Variants in NCAPH observed in about 807,000 individuals in gnomAD.
NCAPH encodes the protein non-SMC condensin I complex subunit H.
A neutral mutation model predicts 85.5 loss-of-function variants in NCAPH; 38 were observed. The observed-to-expected ratio is 0.44, with a 90% confidence interval of 0.34 to 0.58. The LOEUF (loss-of-function observed/expected upper bound fraction) is 0.58. Ranked by LOEUF, NCAPH falls within the 20% of genes least tolerant of loss-of-function variation. The probability of loss-of-function intolerance (pLI) is 0.01; values close to 1 mark genes in which losing one functional copy is unlikely to be tolerated. For synonymous variants in NCAPH, 301 were observed against 335.1 expected (o/e 0.90, Z 1.11); for missense variants, 789 against 916.6 (o/e 0.86, Z 1.80).
rs2064832181 is a variant in NCAPH, at chr2:96,376,407, T to C, written c.*3056T>C. Reference sequence around the variant, plus strand: ...AGGGAACCAGGCATTACAAATTGAATTGAACAAGGACAGATATCTGAAGGG... The same window carrying C: ...AGGGAACCAGGCATTACAAATTGAACTGAACAAGGACAGATATCTGAAGGG... On this transcript the variant is annotated 3_prime_UTR_variant, in exon 18 of 18. Transcript: ENST00000240423. Among the ~76,000 whole-genome samples the C allele has an allele frequency of 6.6e-6, 1 of 152,196 alleles. No individual in the cohort carries two copies. Among genetic ancestry groups the C allele is most frequent in the Admixed American group, 6.5e-5 (1 of 15,270 alleles).
chr2:96,370,189 C>G (rs113790430), intron 17 of NCAPH, among the ~76,000 whole-genome samples: 4 of 152,314 alleles, frequency 2.6e-5, no homozygotes, highest in African/African-American at 9.6e-5. Context: ...GGGTCCCCAG[C>G]CAGCTGATGC....
At chr2:96,344,051 C>A in intron 5 of NCAPH, 54 bp from the exon 6 acceptor site, 1 of 1,570,312 alleles carries the variant, frequency 6.4e-7, no homozygotes, top group Non-Finnish European at 8.6e-7. Flanking sequence ...TTAGTAAGTT[C>A]ATCACATGCT....
At chr2:96,351,685 A>C (rs1007279310) in intron 6 of NCAPH, 146 bp from the exon 7 acceptor site, 17 of 633,764 alleles carry the variant, frequency 2.7e-5, no homozygotes, top group African/African-American at 2.4e-4. Context: ...AAAAAAAAAA[A>C]CAAAAACAAA....
In NCAPH at chr2:96,368,962, C is replaced by T. The variant is rs2064735633; in HGVS notation, c.1999-10C>T. 6 of 1,551,848 alleles carry T rather than the reference C, an allele frequency of 3.9e-6. No homozygotes were observed. Among genetic ancestry groups the T allele is most frequent in the Non-Finnish European group, 5.2e-6 (6 of 1,147,028 alleles). On this transcript the variant is annotated splice_polypyrimidine_tract_variant and intron_variant, in intron 15 of 17. Transcript: ENST00000240423. The stretch of plus-strand genomic sequence containing the variant: ...CCTAACTGTCCGATGTATAAATGTG[C>T]TTCTGTTAGGCAAACCACAGGGAAG...
rs76687534 is a variant in NCAPH, at chr2:96,363,419, G to C, written c.1588-1062G>C. Among the ~76,000 whole-genome samples, 196 of 152,328 alleles carry C rather than the reference G, an allele frequency of 1.3e-3. 5 individuals carry two copies. In the East Asian group the frequency reaches 0.031, roughly 24 times the overall value. On this transcript the variant is annotated intron_variant, in intron 12 of 17. Transcript: ENST00000240423. ...TTGTGTCATATGAAGAACAGTGGAA[G>C]AAAATGGGGCGTTTCTTAATTCAAG...
chr2:96,358,524 A>G (rs1018915864), intron 9 of NCAPH, among the ~76,000 whole-genome samples: 5 of 152,102 alleles, frequency 3.3e-5, no homozygotes, highest in Non-Finnish European at 7.4e-5. Context: ...GCTGGAGTGC[A>G]GTGGCGCGAT....
At chr2:96,353,541 A>T (rs934046445) in intron 8 of NCAPH, 144 bp downstream of exon 8, 11 of 713,296 alleles carry the variant, frequency 1.5e-5, no homozygotes, top group East Asian at 1.4e-4. Context: ...AGGGACAAAA[A>T]CCCTGAGGGA....
intron 11 of NCAPH, 138 bp downstream of exon 11, chr2:96,360,387 A>C: frequency 2.5e-6 from 2 of 802,202 alleles, no homozygotes; most frequent in Non-Finnish European, 3.9e-6. Flanking sequence ...CACTATTAAG[A>C]AATAGTCCTA....
intron 1 of NCAPH, among the ~76,000 whole-genome samples, chr2:96,339,590 CAAAAA>C (rs950305411): frequency 9.2e-5 from 6 of 65,324 alleles, no homozygotes; most frequent in African/African-American, 2.9e-4. Context: ...GACTCTGTCT[CAAAAA>C]AAAAAAAAAA....
chr2:96,339,452 C>T (rs927437918), intron 1 of NCAPH, among the ~76,000 whole-genome samples: 29 of 151,988 alleles, frequency 1.9e-4, no homozygotes, highest in Admixed American at 1.0e-3. Context: ...AGTAGCTGGG[C>T]GTGGTGGCGG....
chr2:96,356,407 A>C (rs747161773), intron 9 of NCAPH, among the ~76,000 whole-genome samples: 1 of 152,206 alleles, frequency 6.6e-6, no homozygotes, highest in Non-Finnish European at 1.5e-5. Context: ...GGACCAGTTG[A>C]TAATAACAAT....
At chr2:96,349,651 G>A (rs2104444062) in intron 6 of NCAPH, among the ~76,000 whole-genome samples, 1 of 152,284 alleles carries the variant, frequency 6.6e-6, no homozygotes, top group Admixed American at 6.5e-5. Context: ...CAGTACACTT[G>A]GGATTACAGG....
Position 96,353,276 on chromosome 2 carries a change from C to T in NCAPH, c.911-30C>T, listed in dbSNP as rs72939607. 7.5e-5 allele frequency: 120 copies of T among 1,591,850 alleles called. No homozygotes were observed. The African/African-American group carries it at 1.5e-3, about 20-fold the overall frequency. On this transcript the variant is annotated intron_variant, in intron 7 of 17. Transcript: ENST00000240423. ...GGAATGCACTTGACCCCCTTCTAAT[C>T]TCTCTTTGTGATCTTGCTATCCTCT...
chr2:96,352,118 G>C lies in NCAPH; in HGVS notation c.910+98G>C, dbSNP rs1329163841. On this transcript the variant is annotated intron_variant, in intron 7 of 17. Coordinates refer to ENST00000240423, the MANE Select transcript of NCAPH (RefSeq NM_015341.5). ...AATAAGCCCATCATGCTCTTATGTT[G>C]CTTAAATTACCCAGAAGTTTCCTCT... The C allele has an allele frequency of 1.0e-5, 13 of 1,253,468 alleles. No homozygotes were observed. In the South Asian group the frequency reaches 1.8e-4, roughly 17 times the overall value. The allele number at this position is 1,253,468 out of a possible 1,614,324, so 77.6% of individuals were successfully genotyped here. A position where few individuals can be genotyped will look rare whatever the true frequency, so the allele number is the denominator to read the frequency against.
intron 1 of NCAPH, 48 bp from the exon 2 acceptor site, chr2:96,341,594 A>T: frequency 6.3e-7 from 1 of 1,582,704 alleles, no homozygotes; most frequent in African/African-American, 1.3e-5. Flanking sequence ...TTCTTTGGAT[A>T]TAGGAAATGT....
chr2:96,345,669 G>A (rs2064352964), intron 6 of NCAPH, among the ~76,000 whole-genome samples: 1 of 152,208 alleles, frequency 6.6e-6, no homozygotes, highest in African/African-American at 2.4e-5. Flanking sequence ...GAGCTGAGAG[G>A]CAGTAGCTTA....
chr2:96,338,516 AAG>A (rs2064246280), intron 1 of NCAPH, among the ~76,000 whole-genome samples: 1 of 152,212 alleles, frequency 6.6e-6, no homozygotes, highest in Non-Finnish European at 1.5e-5. Flanking sequence ...TACGTGGTGA[AAG>A]AGACTTTGCT....
chr2:96,358,283 C>G (rs1204984575), intron 9 of NCAPH, among the ~76,000 whole-genome samples: 1 of 152,134 alleles, frequency 6.6e-6, no homozygotes, highest in African/African-American at 2.4e-5. Context: ...TGTTTTTTCA[C>G]TTTTAGTAGG....
intron 4 of NCAPH, 56 bp from the exon 5 acceptor site, chr2:96,343,110 G>C: frequency 6.2e-7 from 1 of 1,601,042 alleles, no homozygotes; most frequent in Non-Finnish European, 8.5e-7. Flanking sequence ...TGTTTTACCT[G>C]TTCAGAAGTT....
Sources: gnomAD v4.1 joint callset for allele counts (sites outside exome capture counted in the v4.1 genomes callset) on GRCh38, gnomAD v4.1.1 for gene constraint, MANE v1.5 for transcripts, NCBI Gene and HGNC (gene_info 2026-07-23, HGNC 2026-07-21) for gene names.